Variants in EFNA5 observed in about 807,000 individuals in gnomAD.
The protein encoded by EFNA5 is ephrin A5.
Under a neutral mutation model 22.9 loss-of-function variants are expected in EFNA5, and 5 were observed. The ratio of observed to expected loss-of-function variants is 0.22; its 90% CI spans 0.11 to 0.46. The LOEUF (loss-of-function observed/expected upper bound fraction) is 0.46. Among genes scored for constraint, EFNA5 ranks in the 20% least tolerant of loss-of-function variants. The pLI, the probability that EFNA5 is intolerant of heterozygous loss-of-function variation, is 0.99. For missense variants in EFNA5, 237 were observed against 293.3 expected (o/e 0.81, Z 1.40); for synonymous variants, 113 against 112.2 (o/e 1.01, Z -0.04).
At chr5:107,441,035 C>G (rs1230502113) in intron 1 of EFNA5, among the ~76,000 whole-genome samples, 1 of 139,488 alleles carries the variant, frequency 7.2e-6, no homozygotes, top group Non-Finnish European at 1.5e-5. Flanking sequence ...TTTTTCAGTT[C>G]TACAAATATA....
chr5:107,670,453 CGG>C, intron 1 of EFNA5, 34 bp downstream of exon 1: 2 of 1,533,638 alleles, frequency 1.3e-6, no homozygotes, highest in South Asian at 2.4e-5. Flanking sequence ...CCCCGAGGCC[CGG>C]GTAGCCCTGG....
intron 1 of EFNA5, 35 bp downstream of exon 1, chr5:107,670,453 CG>C (rs775667504): frequency 1.3e-6 from 2 of 1,533,638 alleles, no homozygotes; most frequent in South Asian, 2.4e-5. Context: ...CCCCGAGGCC[CG>C]GGTAGCCCTG....
chr5:107,602,686 T>C (rs528323488), intron 1 of EFNA5, among the ~76,000 whole-genome samples: 1 of 152,232 alleles, frequency 6.6e-6, no homozygotes, highest in South Asian at 2.1e-4. Flanking sequence ...GTAATACTTA[T>C]CTGGATTCAA....
chr5:107,589,746 A>T (rs1378682315), intron 1 of EFNA5, among the ~76,000 whole-genome samples: 2 of 152,166 alleles, frequency 1.3e-5, no homozygotes, highest in South Asian at 2.1e-4. Context: ...TTTACTCTCT[A>T]CCTTGATTAT....
intron 1 of EFNA5, among the ~76,000 whole-genome samples, chr5:107,603,124 T>C (rs978745452): frequency 6.6e-6 from 1 of 152,196 alleles, no homozygotes; most frequent in Non-Finnish European, 1.5e-5. Flanking sequence ...ACATTTGCAA[T>C]GAGAGCAGTT....
chr5:107,453,356 T>A (rs1170603366), intron 1 of EFNA5, among the ~76,000 whole-genome samples: 1 of 152,164 alleles, frequency 6.6e-6, no homozygotes, highest in East Asian at 1.9e-4. Context: ...AGAACAAAAT[T>A]TATTTCATCT....
At chr5:107,405,202 T>C (rs897567546) in intron 2 of EFNA5, among the ~76,000 whole-genome samples, 1 of 152,208 alleles carries the variant, frequency 6.6e-6, no homozygotes, top group Non-Finnish European at 1.5e-5. Context: ...CCCTTGAGAT[T>C]TGGGCAGCCC....
chr5:107,602,180 T>C (rs1008628945), intron 1 of EFNA5, among the ~76,000 whole-genome samples: 1 of 152,208 alleles, frequency 6.6e-6, no homozygotes, highest in African/African-American at 2.4e-5. Context: ...GAGGAGCTGT[T>C]TTCAGTCTCC....
intron 1 of EFNA5, among the ~76,000 whole-genome samples, chr5:107,516,629 A>T (rs1747487567): frequency 6.6e-6 from 1 of 152,206 alleles, no homozygotes; most frequent in South Asian, 2.1e-4. Flanking sequence ...AATGCTTTAA[A>T]TACCATGAAG....
intron 1 of EFNA5, among the ~76,000 whole-genome samples, chr5:107,591,682 T>G (rs1749327763): frequency 6.8e-6 from 1 of 147,066 alleles, no homozygotes; most frequent in African/African-American, 2.5e-5. Flanking sequence ...TTAGCCAGAT[T>G]TGGTGGCGGG....
At chr5:107,587,428 A>C (rs1466138669) in intron 1 of EFNA5, among the ~76,000 whole-genome samples, 1 of 152,250 alleles carries the variant, frequency 6.6e-6, no homozygotes, top group Non-Finnish European at 1.5e-5. Flanking sequence ...TGAAAAATCA[A>C]GCATTTACAC....
intron 2 of EFNA5, among the ~76,000 whole-genome samples, chr5:107,421,798 T>C (rs528135845): frequency 1.4e-5 from 2 of 147,594 alleles, no homozygotes; most frequent in Non-Finnish European, 3.0e-5. Flanking sequence ...CTTTCTTTCT[T>C]TTTTTTTTTT....
At chr5:107,635,366 G>A (rs1232083252) in intron 1 of EFNA5, among the ~76,000 whole-genome samples, 2 of 152,094 alleles carry the variant, frequency 1.3e-5, no homozygotes, top group Non-Finnish European at 2.9e-5. Context: ...CTCACATAAC[G>A]GGTTCCTGGT....
intron 1 of EFNA5, among the ~76,000 whole-genome samples, chr5:107,533,004 A>G (rs1474282493): frequency 6.6e-6 from 1 of 152,138 alleles, no homozygotes; most frequent in African/African-American, 2.4e-5. Flanking sequence ...CACGGCAGCT[A>G]AAGACGGAGC....
intron 1 of EFNA5, among the ~76,000 whole-genome samples, chr5:107,487,070 A>C (rs1354834680): frequency 6.6e-6 from 1 of 152,220 alleles, no homozygotes; most frequent in East Asian, 1.9e-4. Flanking sequence ...CTTCCTTAGC[A>C]TAGGGTCAAG....
At chr5:107,521,476 ATTT>A (rs1224759732) in intron 1 of EFNA5, among the ~76,000 whole-genome samples, 239 of 58,338 alleles carry the variant, frequency 4.1e-3, no homozygotes, top group African/African-American at 0.016. Context: ...ATATATATAT[ATTT>A]TTTTTTTTTT....
chr5:107,577,031 C>A (rs1332731575), intron 1 of EFNA5, among the ~76,000 whole-genome samples: 2 of 152,176 alleles, frequency 1.3e-5, no homozygotes, highest in Non-Finnish European at 2.9e-5. Context: ...TCTTAAGTAT[C>A]TATATTTCAC....
rs549628387 is a variant in EFNA5, at chr5:107,480,434, G to A, written c.126-52925C>T. 2.0e-5 allele frequency among the ~76,000 whole-genome samples: 3 copies of A among 152,294 alleles called. No individual in the cohort carries two copies. In the South Asian group the frequency reaches 6.2e-4, roughly 32 times the overall value. On this transcript the variant is annotated intron_variant, in intron 1 of 4. Transcript: ENST00000333274. ...TGTTTATTAACTGGCACAAGAAATA[G>A]CATCAACTATAATATCTGGTAGAGT...
At chr5:107,575,471 A>C (rs144912182) in intron 1 of EFNA5, among the ~76,000 whole-genome samples, 158 of 152,308 alleles carry the variant, frequency 1.0e-3, no homozygotes, top group African/African-American at 3.6e-3. Flanking sequence ...ACTGCTTTTC[A>C]TACCAATTAG....
Sources: allele counts gnomAD v4.1 joint callset (sites outside exome capture counted in the v4.1 genomes callset), GRCh38; gene constraint gnomAD v4.1.1; transcripts MANE v1.5; gene names NCBI Gene and HGNC (gene_info 2026-07-23, HGNC 2026-07-21).